HPSE2: variants seen among roughly 807,000 people sequenced by gnomAD.
The protein encoded by HPSE2 is inactive heparanase-2.
HPSE2 carries 38 observed loss-of-function variants against 60.5 expected under a neutral mutation model. That is an observed-to-expected ratio of 0.63 (90% CI 0.48 to 0.82). The LOEUF (loss-of-function observed/expected upper bound fraction) is 0.82, where lower values mean the gene tolerates loss of function less well. Among genes scored for constraint, HPSE2 ranks in the 40% least tolerant of loss-of-function variants. The probability of loss-of-function intolerance (pLI) is 0.00; values close to 1 mark genes in which losing one functional copy is unlikely to be tolerated. For missense variants in HPSE2, 713 were observed against 740.4 expected, an observed-to-expected ratio of 0.96 and a Z score of 0.43; for synonymous variants, 295 against 293.2, an observed-to-expected ratio of 1.01 and a Z score of -0.06.
At chr10:99,305,987 A>ACG in the HPSE2 span, among the ~76,000 whole-genome samples, 1 of 145,222 alleles carries the variant, frequency 6.9e-6, no homozygotes, top group East Asian at 2.0e-4. Context: ...GCGCACACAC[A>ACG]CACACACACA....
intron 4 of HPSE2, among the ~76,000 whole-genome samples, chr10:98,741,038 T>A (rs1272732152): frequency 6.6e-6 from 1 of 152,150 alleles, no homozygotes; most frequent in Non-Finnish European, 1.5e-5. Context: ...TAAAATGTAT[T>A]CTTTAGACTC....
chr10:98,742,816 C>CAT (rs1375018583), intron 4 of HPSE2, among the ~76,000 whole-genome samples: 2 of 151,418 alleles, frequency 1.3e-5, no homozygotes, highest in Admixed American at 1.3e-4. Flanking sequence ...CACACACACA[C>CAT]ACTTTAATGA....
At chr10:98,973,017 C>T (rs1289515705) in intron 3 of HPSE2, among the ~76,000 whole-genome samples, 1 of 152,084 alleles carries the variant, frequency 6.6e-6, no homozygotes, top group African/African-American at 2.4e-5. Context: ...ATTAGTAACA[C>T]TATTATGTTG....
At chr10:98,825,607 G>C (rs961383945) in intron 3 of HPSE2, among the ~76,000 whole-genome samples, 1 of 150,522 alleles carries the variant, frequency 6.6e-6, no homozygotes, top group Non-Finnish European at 1.5e-5. Flanking sequence ...CTAGCCCCGG[G>C]GTTGGGGGGG....
chr10:99,264,163 CT>C, the HPSE2 span, among the ~76,000 whole-genome samples: 1 of 45,108 alleles, frequency 2.2e-5, no homozygotes, highest in Non-Finnish European at 1.2e-4. Context: ...TCTCGGTTCA[CT>C]GCAAGCTCTG....
intron 3 of HPSE2, among the ~76,000 whole-genome samples, chr10:98,976,112 C>T (rs1037150438): frequency 7.9e-5 from 12 of 152,072 alleles, no homozygotes; most frequent in African/African-American, 2.7e-4. Context: ...TTTAATACAA[C>T]GATCTCTGAG....
chr10:98,818,361 G>C (rs1286071435), intron 3 of HPSE2, among the ~76,000 whole-genome samples: 1 of 152,084 alleles, frequency 6.6e-6, no homozygotes, highest in Non-Finnish European at 1.5e-5. Context: ...TTCTCATAAG[G>C]ACCACACAAC....
At chr10:99,298,419 T>C in the HPSE2 span, among the ~76,000 whole-genome samples, 1 of 152,228 alleles carries the variant, frequency 6.6e-6, no homozygotes, top group Non-Finnish European at 1.5e-5. Context: ...TTACTAGACA[T>C]AGGGACAACA....
intron 3 of HPSE2, among the ~76,000 whole-genome samples, chr10:98,776,384 T>A (rs1265820823): frequency 6.6e-6 from 1 of 151,788 alleles, no homozygotes; most frequent in Non-Finnish European, 1.5e-5. Flanking sequence ...GAGGTAGAGG[T>A]TGCAGTAAGC....
chr10:99,280,410 C>T, the HPSE2 span, among the ~76,000 whole-genome samples: 1 of 152,168 alleles, frequency 6.6e-6, no homozygotes. Flanking sequence ...TATAGTAATG[C>T]CTCAAATGTA....
intron 3 of HPSE2, among the ~76,000 whole-genome samples, chr10:98,962,740 A>G (rs970108320): frequency 2.9e-4 from 44 of 149,954 alleles, no homozygotes; most frequent in Non-Finnish European, 4.1e-4. Context: ...AAGTCTCAGG[A>G]TACAAAATCA....
chr10:99,265,272 C>T, the HPSE2 span, among the ~76,000 whole-genome samples: 1 of 152,210 alleles, frequency 6.6e-6, no homozygotes, highest in Non-Finnish European at 1.5e-5. Context: ...AATCCCACCA[C>T]CCTTTGCTGA....
intron 3 of HPSE2, among the ~76,000 whole-genome samples, chr10:98,968,855 AG>A (rs1241057939): frequency 6.6e-6 from 1 of 151,574 alleles, no homozygotes; most frequent in Admixed American, 6.6e-5. Flanking sequence ...GAAGGGTGGG[AG>A]GGGGGTCAGG....
chr10:98,983,933 C>G (rs981337621), intron 3 of HPSE2, among the ~76,000 whole-genome samples: 8 of 152,204 alleles, frequency 5.3e-5, no homozygotes, highest in African/African-American at 1.7e-4. Flanking sequence ...AAGGCAGCAG[C>G]CAGGCTCGGG....
intron 3 of HPSE2, among the ~76,000 whole-genome samples, chr10:99,072,486 G>T (rs941422337): frequency 2.0e-5 from 3 of 152,050 alleles, no homozygotes; most frequent in African/African-American, 7.2e-5. Context: ...TAAAAAGTGG[G>T]CAAGAGACAT....
At chr10:98,824,210 A>G (rs987656687) in intron 3 of HPSE2, among the ~76,000 whole-genome samples, 1 of 150,514 alleles carries the variant, frequency 6.6e-6, no homozygotes, top group African/African-American at 2.5e-5. Context: ...TTTAAAGTCA[A>G]TAAGAAGATA....
chr10:98,520,662 C>A (rs757521952), intron 9 of HPSE2, among the ~76,000 whole-genome samples: 6 of 152,048 alleles, frequency 3.9e-5, no homozygotes, highest in Non-Finnish European at 7.4e-5. Context: ...TTAGGATTTA[C>A]GTGATTAAAA....
chr10:98,997,499 A>G (rs1377559460), intron 3 of HPSE2, among the ~76,000 whole-genome samples: 2 of 152,186 alleles, frequency 1.3e-5, no homozygotes, highest in African/African-American at 4.8e-5. Flanking sequence ...AGATTTTGAA[A>G]GTCTAACTGG....
intron 3 of HPSE2, among the ~76,000 whole-genome samples, chr10:99,029,281 T>C (rs1271487546): frequency 1.3e-5 from 2 of 152,092 alleles, no homozygotes; most frequent in Admixed American, 6.5e-5. Context: ...AACAACTCTA[T>C]AGGAAAAATA....
Sources: allele counts gnomAD v4.1 joint callset (sites outside exome capture counted in the v4.1 genomes callset), GRCh38; gene constraint gnomAD v4.1.1; transcripts MANE v1.5; gene names NCBI Gene and HGNC (gene_info 2026-07-23, HGNC 2026-07-21).